EPHB1: variants seen among roughly 807,000 people sequenced by gnomAD.
EPHB1 encodes the protein ephrin type-B receptor 1.
A neutral mutation model predicts 94.4 loss-of-function variants in EPHB1; 30 were observed. The ratio of observed to expected loss-of-function variants is 0.32; its 90% CI spans 0.24 to 0.43. The LOEUF (loss-of-function observed/expected upper bound fraction) is 0.43. Ranked by LOEUF, EPHB1 falls within the 20% of genes least tolerant of loss-of-function variation. EPHB1 has a pLI of 1.00. For synonymous variants in EPHB1, 522 were observed against 489.1 expected, an observed-to-expected ratio of 1.07 and a Z score of -0.89; for missense variants, 1,055 against 1,308.3, an observed-to-expected ratio of 0.81 and a Z score of 2.99.
chr3:134,795,918 C>T (rs3772678), intron 1 of EPHB1, among the ~76,000 whole-genome samples: 5,000 of 152,320 alleles, frequency 0.033, 182 homozygotes, highest in African/African-American at 0.08. Context: ...GCGAGTCCCC[C>T]GGCTTCCTCG....
At chr3:134,972,010 T>C (rs1197963645) in intron 3 of EPHB1, among the ~76,000 whole-genome samples, 2 of 152,170 alleles carry the variant, frequency 1.3e-5, no homozygotes, top group Non-Finnish European at 2.9e-5. Context: ...TTAACACTTA[T>C]AATAATTCAC....
intron 2 of EPHB1, among the ~76,000 whole-genome samples, chr3:134,949,049 A>G (rs1264550019): frequency 6.6e-6 from 1 of 152,054 alleles, no homozygotes; most frequent in Non-Finnish European, 1.5e-5. Flanking sequence ...GCAGGGAGAG[A>G]TGCTGGTGGG....
chr3:134,823,075 C>A (rs1204005389), intron 1 of EPHB1, among the ~76,000 whole-genome samples: 1 of 152,224 alleles, frequency 6.6e-6, no homozygotes, highest in African/African-American at 2.4e-5. Flanking sequence ...TCATTCCCTG[C>A]ACATTCCAAG....
intron 9 of EPHB1, among the ~76,000 whole-genome samples, chr3:135,174,499 C>A (rs1437176181): frequency 2.0e-5 from 3 of 152,228 alleles, no homozygotes; most frequent in Admixed American, 1.3e-4. Context: ...CTGGTCTCTG[C>A]AGCACTTGCA....
intron 1 of EPHB1, among the ~76,000 whole-genome samples, chr3:134,898,992 AG>A (rs1301840140): frequency 1.3e-5 from 2 of 152,076 alleles, no homozygotes; most frequent in African/African-American, 2.4e-5. Flanking sequence ...ACTGTCGGGG[AG>A]GCATGGTCTG....
intron 3 of EPHB1, among the ~76,000 whole-genome samples, chr3:135,003,066 G>T (rs1358384959): frequency 2.6e-5 from 4 of 151,992 alleles, no homozygotes; most frequent in South Asian, 4.2e-4. Context: ...GTCAATTTTT[G>T]ATCTCTCCTG....
intron 1 of EPHB1, among the ~76,000 whole-genome samples, chr3:134,900,050 C>A (rs1196394374): frequency 1.3e-5 from 2 of 152,168 alleles, no homozygotes; most frequent in Non-Finnish European, 2.9e-5. Context: ...CTAGATAAGA[C>A]TCTGGTTAGA....
chr3:135,128,926 C>T (rs1940312825), intron 4 of EPHB1, among the ~76,000 whole-genome samples: 2 of 152,150 alleles, frequency 1.3e-5, no homozygotes, highest in Admixed American at 1.3e-4. Flanking sequence ...CTCAAGGAGG[C>T]AGGGGAATGA....
At position 135,201,494 on chromosome 3, in the gene EPHB1, C is replaced by G; in HGVS notation, c.2151C>G (p.Thr717=). ...SFLRQNDGQF[T]VIQLVGMLRG... is the part of the protein sequence containing the mutation. ...TACAGCAAAATGACGGGCAGTTCAC[C>G]GTGATCCAGCTTGTGGGTATGCTCA... Residue 717 remains threonine (T), a synonymous_variant, in exon 12 of 16, where the codon ACC becomes ACG. Transcript: ENST00000398015. 6.2e-7 allele frequency: 1 copy of G among 1,613,952 alleles called. No individual in the cohort carries two copies. The highest frequency in any genetic ancestry group is 1.1e-5 in the South Asian group (1 of 91,050).
chr3:135,065,646 G>T (rs752900308), intron 3 of EPHB1, among the ~76,000 whole-genome samples: 3 of 152,146 alleles, frequency 2.0e-5, no homozygotes, highest in Non-Finnish European at 4.4e-5. Flanking sequence ...CCATTCTGCA[G>T]TTCTGTATCT....
At chr3:135,179,568 G>T (rs1942095125) in intron 9 of EPHB1, among the ~76,000 whole-genome samples, 1 of 152,168 alleles carries the variant, frequency 6.6e-6, no homozygotes, top group South Asian at 2.1e-4. Flanking sequence ...CACCCGGTGT[G>T]GGAACTGGTC....
chr3:134,796,704 G>C (rs957122552), intron 1 of EPHB1, among the ~76,000 whole-genome samples: 2 of 152,142 alleles, frequency 1.3e-5, no homozygotes, highest in South Asian at 2.1e-4. Flanking sequence ...ACAGCTCCGC[G>C]GGAGAGCGGA....
intron 4 of EPHB1, among the ~76,000 whole-genome samples, chr3:135,120,145 A>C (rs6785689): frequency 0.042 from 6,466 of 152,320 alleles, 438 homozygotes; most frequent in African/African-American, 0.15. Context: ...GACAAATGTC[A>C]TTAAACAATC....
intron 6 of EPHB1, among the ~76,000 whole-genome samples, chr3:135,161,578 A>G: frequency 6.6e-6 from 1 of 152,104 alleles, no homozygotes; most frequent in South Asian, 2.1e-4. Flanking sequence ...AGGAGAGAAA[A>G]CAGAACAACT....
chr3:134,828,785 T>C (rs1466119781), intron 1 of EPHB1, among the ~76,000 whole-genome samples: 1 of 152,186 alleles, frequency 6.6e-6, no homozygotes, highest in Admixed American at 6.5e-5. Context: ...TGGGCATGTA[T>C]GGGCACCAAA....
chr3:134,967,230 T>TA (rs1933793068), intron 3 of EPHB1, among the ~76,000 whole-genome samples: 1 of 151,946 alleles, frequency 6.6e-6, no homozygotes, highest in South Asian at 2.1e-4. Context: ...TCATGGAGTG[T>TA]AAAAAAATGA....
chr3:135,117,955 G>C (rs1559837993), intron 4 of EPHB1, among the ~76,000 whole-genome samples: 1 of 152,102 alleles, frequency 6.6e-6, no homozygotes, highest in Non-Finnish European at 1.5e-5. Context: ...CTGGGGTGGG[G>C]TGGGGGGCAA....
chr3:135,138,506 T>C (rs1480354591), intron 5 of EPHB1, among the ~76,000 whole-genome samples: 1 of 152,226 alleles, frequency 6.6e-6, no homozygotes, highest in Non-Finnish European at 1.5e-5. Flanking sequence ...AAAGATATTA[T>C]GTAAATCTCA....
intron 9 of EPHB1, among the ~76,000 whole-genome samples, chr3:135,178,112 GA>G (rs1424590991): frequency 1.3e-5 from 2 of 151,632 alleles, no homozygotes; most frequent in African/African-American, 2.4e-5. Context: ...TCATCTTTCA[GA>G]AAAAAACTGT....
Sources: allele counts gnomAD v4.1 joint callset (sites outside exome capture counted in the v4.1 genomes callset), GRCh38; gene constraint gnomAD v4.1.1; transcripts MANE v1.5; gene names NCBI Gene and HGNC (gene_info 2026-07-23, HGNC 2026-07-21).